The following GJC2 variants were observed in gnomAD, a reference collection of about 807,000 sequenced individuals.
GJC2 encodes the protein gap junction gamma-2 protein.
For missense variants in GJC2, 647 were observed against 648.9 expected (o/e 1.00, Z 0.03); for synonymous variants, 336 against 307.5 (o/e 1.09, Z -0.97).
At chr1:228,154,288 T>A (rs1242632734) in intron 1 of GJC2, among the ~76,000 whole-genome samples, 1 of 152,212 alleles carries the variant, frequency 6.6e-6, no homozygotes, top group Non-Finnish European at 1.5e-5. Flanking sequence ...ACTGTCTGGA[T>A]GAACACTGGC....
chr1:228,156,147 CGTGT>C (rs902741534), intron 1 of GJC2, among the ~76,000 whole-genome samples: 11 of 152,026 alleles, frequency 7.2e-5, no homozygotes, highest in African/African-American at 2.4e-4. Flanking sequence ...CCTGATCACA[CGTGT>C]GTGTGTGTGC....
rs530112837 is a variant in GJC2 at position 228,150,209 on chromosome 1, C to T, written c.-20+202C>T. On this transcript the variant is annotated intron_variant, in intron 1 of 1. Coordinates refer to ENST00000366714, the MANE Select transcript of GJC2 (RefSeq NM_020435.4). This position sits in a 1 kb window ranked among gnomAD's most constrained non-coding sequence, Gnocchi z 4.6. ...CACGCAGATGGTGGGGTGGCCCCCCCACTCCATGTCTGTGTCCTTCAGGCC... is the reference window on the plus strand; with the variant it reads ...CACGCAGATGGTGGGGTGGCCCCCCTACTCCATGTCTGTGTCCTTCAGGCC... Among the ~76,000 whole-genome samples, 3 of 152,174 alleles carry T rather than the reference C, an allele frequency of 2.0e-5. No individual in the cohort carries two copies. The highest frequency in any genetic ancestry group is 7.2e-5 in the African/African-American group (3 of 41,436).
At position 228,158,252 on chromosome 1, in the gene GJC2, C is replaced by A; in HGVS notation, c.494C>A (p.Ala165Asp). The A allele has an allele frequency of 2.0e-6, 3 of 1,514,250 alleles. No homozygotes were observed. 93.8% of individuals were successfully genotyped at this position (1,514,250 alleles called of 1,614,324 possible). Residue 165 changes from alanine (A) to aspartate (D), a missense_variant, in exon 2 of 2, where the codon GCC becomes GAC. Ala to Asp is a moderately radical substitution (Grantham distance 126, BLOSUM62 -2). Transcript: ENST00000366714. This position sits in a 1 kb window ranked among gnomAD's most constrained non-coding sequence, Gnocchi z 8.3. Reference protein sequence around the residue: ...EEEETGAAEGAGEEAEEAGAE... With the variant: ...EEEETGAAEGDGEEAEEAGAE... Reference sequence around the variant, plus strand: ...GAGGAGACGGGGGCAGCCGAGGGCGCCGGCGAGGAAGCGGAGGAGGCAGGC... The same window carrying A: ...GAGGAGACGGGGGCAGCCGAGGGCGACGGCGAGGAAGCGGAGGAGGCAGGC...
chr1:228,159,093 G>A lies in GJC2; in HGVS notation c.*15G>A. 1 of 1,608,690 alleles carries A rather than the reference G, an allele frequency of 6.2e-7. No homozygotes were observed. Among genetic ancestry groups the A allele is most frequent in the Non-Finnish European group, 8.5e-7 (1 of 1,178,858 alleles). On this transcript the variant is annotated 3_prime_UTR_variant, in exon 2 of 2. Coordinates refer to ENST00000366714, the MANE Select transcript of GJC2 (RefSeq NM_020435.4). This position sits in a 1 kb window ranked among gnomAD's most constrained non-coding sequence, Gnocchi z 4.0. Reference sequence around the variant, plus strand: ...TGTGGATCTGAGGGCGCTGGCTTGCGAGCTGGGCCAGGGAGGAGGAGGGTT... The same window carrying A: ...TGTGGATCTGAGGGCGCTGGCTTGCAAGCTGGGCCAGGGAGGAGGAGGGTT...
chr1:228,158,994 CG>C lies in GJC2; in HGVS notation c.1237del (p.Glu413SerfsTer58), dbSNP rs1053292748. The C allele has an allele frequency of 6.2e-7, 1 of 1,604,158 alleles. No homozygotes were observed. The highest frequency in any genetic ancestry group is 8.5e-7 in the Non-Finnish European group (1 of 1,177,284). On this transcript the variant is annotated frameshift_variant, in exon 2 of 2. Transcript: ENST00000366714. LOFTEE classifies it low-confidence loss of function (END_TRUNC). This position sits in a 1 kb window ranked among gnomAD's most constrained non-coding sequence, Gnocchi z 8.3. ...VGEQGRPGTH[E>X]RPGAKPRAGS... Reference sequence around the variant, plus strand: ...GGGAGCAGGGCCGGCCCGGCACCCACGAGCGGCCAGGAGCCAAGCCCAGGGC... The same window carrying C: ...GGGAGCAGGGCCGGCCCGGCACCCACAGCGGCCAGGAGCCAAGCCCAGGGC...
chr1:228,156,046 G>A (rs1249666597), intron 1 of GJC2, among the ~76,000 whole-genome samples: 1 of 152,260 alleles, frequency 6.6e-6, no homozygotes. Context: ...GATGGGTCAG[G>A]TGGGGAGGGA....
Position 228,158,455 on chromosome 1 carries a change from C to T in GJC2, c.697C>T (p.Leu233=). 2.5e-6 allele frequency: 4 copies of T among 1,611,000 alleles called. No individual in the cohort carries two copies. The highest frequency in any genetic ancestry group is 1.1e-5 in the South Asian group (1 of 91,090). The part of the protein sequence containing the change: ...FEVAFLVGQY[L]LYGFEVRPFF... ...GGTGGCCTTCCTGGTGGGCCAGTAC[C>T]TGCTGTACGGCTTCGAGGTGCGACC... Residue 233 remains leucine (L), a synonymous_variant, in exon 2 of 2, where the codon CTG becomes TTG. Transcript: ENST00000366714. The surrounding 1 kb of genome is among the most constrained non-coding windows in gnomAD (Gnocchi z 8.3).
chr1:228,158,125 G>T lies in GJC2; in HGVS notation c.367G>T (p.Ala123Ser), dbSNP rs1414596108. ...CCGCCGCCGCCCGGGGCCACGCCGCGCGCCCCGAGCGCACCTGCCGCCCCC... is the reference window on the plus strand; with the variant it reads ...CCGCCGCCGCCCGGGGCCACGCCGCTCGCCCCGAGCGCACCTGCCGCCCCC... ...ALRRRPGPRR[A>S]PRAHLPPPHA... The change falls in exon 2 of 2, where the codon GCG becomes TCG. Residue 123 changes from alanine (A) to serine (S), a missense_variant. Ala to Ser is a moderately conservative substitution (Grantham distance 99). Coordinates refer to ENST00000366714, the MANE Select transcript of GJC2 (RefSeq NM_020435.4). This position sits in a 1 kb window ranked among gnomAD's most constrained non-coding sequence, Gnocchi z 8.3. 2.6e-5 allele frequency: 32 copies of T among 1,234,010 alleles called. No individual in the cohort carries two copies. The Middle Eastern group carries it at 2.3e-3, about 88-fold the overall frequency. 76.4% of individuals were successfully genotyped at this position (1,234,010 alleles called of 1,614,324 possible). A position where few individuals can be genotyped will look rare whatever the true frequency, so the allele number is the denominator to read the frequency against.
In GJC2 at chr1:228,158,965, G is replaced by T. The variant is rs1170116633; in HGVS notation, c.1207G>T (p.Val403Phe). ...RTGSATSAGTVGEQGRPGTHE... is the reference protein window; with the variant it reads ...RTGSATSAGTFGEQGRPGTHE... ...GGGCAGTGCTACCTCTGCGGGCACT[G>T]TCGGGGAGCAGGGCCGGCCCGGCAC... The change falls in exon 2 of 2, where the codon GTC (valine) becomes TTC (phenylalanine). Residue 403 changes from valine (V) to phenylalanine (F), a missense_variant. Coordinates refer to ENST00000366714, the MANE Select transcript of GJC2 (RefSeq NM_020435.4). This position sits in a 1 kb window ranked among gnomAD's most constrained non-coding sequence, Gnocchi z 8.3. 1.3e-6 allele frequency: 2 copies of T among 1,588,900 alleles called. No individual in the cohort carries two copies. The highest frequency in any genetic ancestry group is 2.2e-4 in the Middle Eastern group (1 of 4,538).
chr1:228,157,740 G>GGGGGGGGGGGGGGGGGGGGGGGC lies in GJC2; in HGVS notation c.-19_-18insGGGGGGGGGGGGGGGGGGGGGGC. 1 of 662,262 alleles carries GGGGGGGGGGGGGGGGGGGGGGGC rather than the reference G, an allele frequency of 1.5e-6. No homozygotes were observed. The highest frequency in any genetic ancestry group is 2.6e-6 in the Non-Finnish European group (1 of 378,506). 41.0% of individuals were successfully genotyped at this position (662,262 alleles called of 1,614,324 possible). The stretch of plus-strand genomic sequence containing the variant: ...GGCTGACCCCTACCCCGCCCCACAG[G>GGGGGGGGGGGGGGGGGGGGGGGC]ACCCGCCCGCCCGCCCCTATGACCA... On this transcript the variant is annotated splice_region_variant and 5_prime_UTR_variant, in exon 2 of 2. Transcript: ENST00000366714.
At position 228,158,741 on chromosome 1, in the gene GJC2, C is replaced by T. The variant is rs1448395659; in HGVS notation, c.983C>T (p.Ala328Val). 3 of 1,367,634 alleles carry T rather than the reference C, an allele frequency of 2.2e-6. No individual in the cohort carries two copies. Among genetic ancestry groups the T allele is most frequent in the Admixed American group, 3.0e-5 (1 of 33,288 alleles). The allele number at this position is 1,367,634 out of a possible 1,614,324, so 84.7% of individuals were successfully genotyped here. The change falls in exon 2 of 2, where the codon GCC (alanine) becomes GTC (valine). Residue 328 changes from alanine (A) to valine (V), a missense_variant. Physicochemically the swap from Ala to Val is moderately conservative, Grantham distance 64. Transcript: ENST00000366714. The surrounding 1 kb of genome is among the most constrained non-coding windows in gnomAD (Gnocchi z 8.3). Reference sequence around the variant, plus strand: ...TTCCCTGCGGCGGCCGCTGGCTTGGCCTGCCCGCCCGACTACAGCCTGGTG... The same window carrying T: ...TTCCCTGCGGCGGCCGCTGGCTTGGTCTGCCCGCCCGACTACAGCCTGGTG... ...CAFPAAAAGL[A>V]CPPDYSLVVR...
chr1:228,155,451 C>T (rs534073985), intron 1 of GJC2, among the ~76,000 whole-genome samples: 9 of 152,162 alleles, frequency 5.9e-5, no homozygotes, highest in African/African-American at 9.7e-5. Context: ...GCCCTGCAGG[C>T]GGGGCCAGGC....
In GJC2 at chr1:228,158,793, G is replaced by C. The variant is rs532281251; in HGVS notation, c.1035G>C (p.Ala345=). The C allele has an allele frequency of 1.3e-5, 18 of 1,436,744 alleles. 1 individual carries two copies. The highest frequency in any genetic ancestry group is 1.6e-5 in the Non-Finnish European group (18 of 1,098,100). The allele number at this position is 1,436,744 out of a possible 1,614,324, so 89.0% of individuals were successfully genotyped here. The change falls in exon 2 of 2, where the codon GCG becomes GCC. Residue 345 remains alanine (A), a synonymous_variant. Transcript: ENST00000366714. This position sits in a 1 kb window ranked among gnomAD's most constrained non-coding sequence, Gnocchi z 8.3. ...TGCGGGCGGCCGAGCGCGCTCGGGC[G>C]CATGACCAGAACCTGGCAAACCTGG... ...LVVRAAERAR[A]HDQNLANLAL... is the part of the protein sequence containing the mutation.
rs1486201193 is a variant in GJC2 at position 228,159,401 on chromosome 1, C to T, written c.*323C>T. The T allele has an allele frequency of 2.9e-6, 1 of 349,724 alleles. No individual in the cohort carries two copies. The highest frequency in any genetic ancestry group is 4.6e-5 in the Admixed American group (1 of 21,958). 21.7% of individuals were successfully genotyped at this position (349,724 alleles called of 1,614,324 possible). On this transcript the variant is annotated 3_prime_UTR_variant, in exon 2 of 2. Coordinates refer to ENST00000366714, the MANE Select transcript of GJC2 (RefSeq NM_020435.4). The surrounding 1 kb of genome is among the most constrained non-coding windows in gnomAD (Gnocchi z 4.0). ...AGGTCCTCTGGGATGCCAGCTCTCC[C>T]CTTTGTGCTTCCCTGCAGCAACCCA...
rs1298218003 is a variant in GJC2 at position 228,159,149 on chromosome 1, TCTC to T, written c.*75_*77del. 49 of 1,537,870 alleles carry T rather than the reference TCTC, an allele frequency of 3.2e-5. No homozygotes were observed. The highest frequency in any genetic ancestry group is 4.1e-5 in the Non-Finnish European group (46 of 1,120,314). ...GCTCCGGTGGAAACCTGCGACCCCT[TCTC>T]CTCAGCCTTCTCCTTAGCCGGTGGC... On this transcript the variant is annotated 3_prime_UTR_variant, in exon 2 of 2. Coordinates refer to ENST00000366714, the MANE Select transcript of GJC2 (RefSeq NM_020435.4). This position sits in a 1 kb window ranked among gnomAD's most constrained non-coding sequence, Gnocchi z 4.0.
Position 228,158,167 on chromosome 1 carries a change from G to A in GJC2, c.409G>A (p.Glu137Lys). The change falls in exon 2 of 2, where the codon GAG becomes AAG. Residue 137 changes from glutamate (E) to lysine (K), a missense_variant. By Grantham distance (56) the Glu-to-Lys change is moderately conservative. Coordinates refer to ENST00000366714, the MANE Select transcript of GJC2 (RefSeq NM_020435.4). The surrounding 1 kb of genome is among the most constrained non-coding windows in gnomAD (Gnocchi z 8.3). The part of the protein sequence containing the change: ...HLPPPHAGWP[E>K]PADLGEEEPM... ...GCCGCCCCCGCACGCCGGCTGGCCTGAGCCCGCCGACCTGGGCGAGGAGGA... is the reference window on the plus strand; with the variant it reads ...GCCGCCCCCGCACGCCGGCTGGCCTAAGCCCGCCGACCTGGGCGAGGAGGA... The A allele has an allele frequency of 7.2e-7, 1 of 1,392,118 alleles. No homozygotes were observed. The highest frequency in any genetic ancestry group is 9.3e-7 in the Non-Finnish European group (1 of 1,077,784). 86.2% of individuals were successfully genotyped at this position (1,392,118 alleles called of 1,614,324 possible). A position where few individuals can be genotyped will look rare whatever the true frequency, so the allele number is the denominator to read the frequency against.
Position 228,152,370 on chromosome 1 carries a change from G to C in GJC2, c.-20+2363G>C, listed in dbSNP as rs929692402. 6.6e-6 allele frequency among the ~76,000 whole-genome samples: 1 copy of C among 152,116 alleles called. No homozygotes were observed. The highest frequency in any genetic ancestry group is 2.4e-5 in the African/African-American group (1 of 41,418). On this transcript the variant is annotated intron_variant, in intron 1 of 1. Transcript: ENST00000366714. The surrounding 1 kb of genome is among the most constrained non-coding windows in gnomAD (Gnocchi z 7.3). Reference sequence around the variant, plus strand: ...CCCTGTGCTACACCCAGCAGGGCGGGGCTCGTTCTGCAGTGCCTCAGGACC... The same window carrying C: ...CCCTGTGCTACACCCAGCAGGGCGGCGCTCGTTCTGCAGTGCCTCAGGACC...
chr1:228,157,683 T>TG, intron 1 of GJC2, 57 bp from the exon 2 acceptor site: 1 of 1,035,302 alleles, frequency 9.7e-7, no homozygotes, highest in Non-Finnish European at 1.4e-6. Flanking sequence ...GCCCCGGCTC[T>TG]GAGCGCCGCG....
At chr1:228,155,975 C>T (rs1015147487) in intron 1 of GJC2, among the ~76,000 whole-genome samples, 8 of 152,244 alleles carry the variant, frequency 5.3e-5, no homozygotes, top group Non-Finnish European at 2.9e-5. Flanking sequence ...CCATCTCTCC[C>T]TTGAGCCTGC....
Sources: allele counts gnomAD v4.1 joint callset (sites outside exome capture counted in the v4.1 genomes callset), GRCh38; gene constraint gnomAD v4.1.1; non-coding constraint Gnocchi (gnomAD v3.1); transcripts MANE v1.5; gene names NCBI Gene and HGNC (gene_info 2026-07-23, HGNC 2026-07-21).